RFTN2: variants seen among roughly 807,000 people sequenced by gnomAD.
RFTN2 encodes the protein raftlin-2.
A neutral mutation model predicts 52.7 loss-of-function variants in RFTN2; 34 were observed. That is an observed-to-expected ratio of 0.64 (90% CI 0.49 to 0.86). The LOEUF is 0.86. RFTN2 is among the 40% of genes least tolerant of loss of function. The pLI is 0.00. For synonymous variants in RFTN2, 203 were observed against 217.7 expected (o/e 0.93, Z 0.59); for missense variants, 536 against 600.1 (o/e 0.89, Z 1.12).
intron 2 of RFTN2, among the ~76,000 whole-genome samples, chr2:197,645,811 G>A (rs1413625043): frequency 2.6e-5 from 4 of 152,124 alleles, no homozygotes; most frequent in Non-Finnish European, 5.9e-5. Context: ...GATCACCTGC[G>A]GTCAGGAGTT....
At chr2:197,645,031 T>G (rs1162608703) in intron 2 of RFTN2, among the ~76,000 whole-genome samples, 1 of 152,166 alleles carries the variant, frequency 6.6e-6, no homozygotes, top group Non-Finnish European at 1.5e-5. Context: ...AGCCCTCTCT[T>G]AAAGTGATTG....
At chr2:197,592,812 T>C (rs1158459199) in intron 8 of RFTN2, among the ~76,000 whole-genome samples, 1 of 152,242 alleles carries the variant, frequency 6.6e-6, no homozygotes, top group African/African-American at 2.4e-5. Flanking sequence ...ATATATGAGA[T>C]AGCTAAATTA....
Position 197,615,925 on chromosome 2 carries a change from C to T in RFTN2, c.1105G>A (p.Gly369Arg). The change falls in exon 7 of 9, where the codon GGA becomes AGA. Residue 369 changes from glycine to arginine, a missense_variant. Coordinates refer to ENST00000295049, the MANE Select transcript of RFTN2 (RefSeq NM_144629.3). ...GPLLHTLAEFGWLLTSVLPTP... is the reference protein window; with the variant it reads ...GPLLHTLAEFRWLLTSVLPTP... ...GGCAACACGCTTGTCAGAAGCCATC[C>T]GAATTCAGCCAGAGTGTGCAGCAGA... 6.4e-7 allele frequency: 1 copy of T among 1,559,988 alleles called. No individual in the cohort carries two copies. The highest frequency in any genetic ancestry group is 8.7e-7 in the Non-Finnish European group (1 of 1,150,266).
chr2:197,619,136 GGGGGGGTCAGCCCCCCATCCGGGAGGTGA>G, intron 5 of RFTN2, among the ~76,000 whole-genome samples: 1 of 143,936 alleles, frequency 6.9e-6, no homozygotes, highest in Non-Finnish European at 1.6e-5. Context: ...GAGGGAGGTG[GGGGGGGTCAGCCCCCCATCCGGGAGGTGA>G]GGGGCGCCTC....
At chr2:197,587,980 C>G in intron 8 of RFTN2, 1 of 470,718 alleles carries the variant, frequency 2.1e-6, no homozygotes, top group Non-Finnish European at 4.4e-6. Flanking sequence ...AACTGTAGCC[C>G]AAGTCTCTTA....
chr2:197,643,566 C>G (rs2088704213), intron 3 of RFTN2, among the ~76,000 whole-genome samples: 1 of 152,108 alleles, frequency 6.6e-6, no homozygotes, highest in South Asian at 2.1e-4. Context: ...TGTCCATTGT[C>G]TCTCTCTGTC....
chr2:197,597,620 G>A (rs1379728767), intron 7 of RFTN2, among the ~76,000 whole-genome samples: 1 of 152,086 alleles, frequency 6.6e-6, no homozygotes, highest in Non-Finnish European at 1.5e-5. Flanking sequence ...CTGGGTTCAA[G>A]TGATTCTCCT....
chr2:197,673,360 G>T (rs1474669905), intron 1 of RFTN2, among the ~76,000 whole-genome samples: 9 of 152,208 alleles, frequency 5.9e-5, no homozygotes, highest in Admixed American at 5.2e-4. Context: ...GGGAAACTAT[G>T]ACCTGGAAGG....
intron 1 of RFTN2, among the ~76,000 whole-genome samples, chr2:197,655,686 T>C (rs2088884906): frequency 6.6e-6 from 1 of 152,074 alleles, no homozygotes; most frequent in South Asian, 2.1e-4. Context: ...TAGCCAGGCA[T>C]GGTGGTGTGT....
chr2:197,617,885 A>AT lies in RFTN2; in HGVS notation c.964dup (p.Ile322AsnfsTer3), dbSNP rs2088172720. 2 of 1,610,414 alleles carry AT rather than the reference A, an allele frequency of 1.2e-6. No individual in the cohort carries two copies. Among genetic ancestry groups the AT allele is most frequent in the Non-Finnish European group, 1.7e-6 (2 of 1,177,672 alleles). ...AACTCCAGAACCTTCTTCTTCATAG[A>AT]TAAAAAATCCTTCCAAAGATTTAGG... On this transcript the variant is annotated frameshift_variant, in exon 6 of 9. Transcript: ENST00000295049. LOFTEE classifies it high-confidence loss of function.
In RFTN2 at chr2:197,631,008, T is replaced by G; in HGVS notation, c.928+3A>C. 6.4e-7 allele frequency: 1 copy of G among 1,565,724 alleles called. No individual in the cohort carries two copies. Among genetic ancestry groups the G allele is most frequent in the Non-Finnish European group, 8.8e-7 (1 of 1,139,130 alleles). On this transcript the variant is annotated splice_donor_region_variant and intron_variant, in intron 5 of 8. Transcript: ENST00000295049. ...TATAAAATATCATTAACATAAAACT[T>G]ACCTTTAGATGTTTCCCAGAATACA...
At chr2:197,646,916 A>AAC (rs2088761339) in intron 1 of RFTN2, among the ~76,000 whole-genome samples, 2 of 151,220 alleles carry the variant, frequency 1.3e-5, no homozygotes, top group African/African-American at 4.9e-5. Context: ...AAAAAAAAAA[A>AAC]AAAACTCCAA....
intron 8 of RFTN2, among the ~76,000 whole-genome samples, chr2:197,575,076 A>C (rs960463197): frequency 1.3e-5 from 2 of 152,096 alleles, no homozygotes; most frequent in African/African-American, 2.4e-5. Flanking sequence ...AGTGGGAGGT[A>C]ATTGAATCAT....
At chr2:197,673,985 C>T (rs1559371331) in intron 1 of RFTN2, among the ~76,000 whole-genome samples, 1 of 151,976 alleles carries the variant, frequency 6.6e-6, no homozygotes, top group African/African-American at 2.4e-5. Flanking sequence ...TGAGGAAAAT[C>T]AATGGTGTGA....
intron 3 of RFTN2, among the ~76,000 whole-genome samples, chr2:197,641,538 T>C (rs1387863845): frequency 6.6e-6 from 1 of 152,216 alleles, no homozygotes; most frequent in South Asian, 2.1e-4. Flanking sequence ...TTTCTATTAC[T>C]AGGAACTTTT....
chr2:197,617,932 G>A lies in RFTN2; in HGVS notation c.929-11C>T. 8.8e-6 allele frequency: 14 copies of A among 1,592,936 alleles called. No homozygotes were observed. Among genetic ancestry groups the A allele is most frequent in the Non-Finnish European group, 1.1e-5 (13 of 1,168,788 alleles). On this transcript the variant is annotated splice_polypyrimidine_tract_variant and intron_variant, in intron 5 of 8. Coordinates refer to ENST00000295049, the MANE Select transcript of RFTN2 (RefSeq NM_144629.3). ...TAGGCAAATGTTCCCCTGTGAGGAAGAGGGTACAATTAAGAAGGGTTGTAA... is the reference window on the plus strand; with the variant it reads ...TAGGCAAATGTTCCCCTGTGAGGAAAAGGGTACAATTAAGAAGGGTTGTAA...
At chr2:197,590,786 T>C (rs1174016254) in intron 8 of RFTN2, among the ~76,000 whole-genome samples, 1 of 152,202 alleles carries the variant, frequency 6.6e-6, no homozygotes, top group Non-Finnish European at 1.5e-5. Context: ...TGTTCGTTCC[T>C]CCCGGTGGGT....
chr2:197,606,255 A>C lies in RFTN2; in HGVS notation c.1154+9621T>G, dbSNP rs186479792. Among the ~76,000 whole-genome samples the C allele has an allele frequency of 1.6e-4, 25 of 152,324 alleles. No homozygotes were observed. In the East Asian group the frequency reaches 4.2e-3, roughly 26 times the overall value. ...CATGAACTGGTTTGTTTCTCAAAGC[A>C]GAGTATGAGTTCCTGTATGTCTGCC... is the stretch of plus-strand genomic sequence containing the variant. On this transcript the variant is annotated intron_variant, in intron 7 of 8. Coordinates refer to ENST00000295049, the MANE Select transcript of RFTN2 (RefSeq NM_144629.3).
intron 1 of RFTN2, among the ~76,000 whole-genome samples, chr2:197,661,391 T>C (rs1470435960): frequency 6.6e-6 from 1 of 151,872 alleles, no homozygotes; most frequent in African/African-American, 2.4e-5. Context: ...CTACCATGTT[T>C]TGGTAGTTTT....
Sources: allele counts gnomAD v4.1 joint callset (sites outside exome capture counted in the v4.1 genomes callset), GRCh38; gene constraint gnomAD v4.1.1; transcripts MANE v1.5; gene names NCBI Gene and HGNC (gene_info 2026-07-23, HGNC 2026-07-21).